ABCC1: variants seen among roughly 807,000 people sequenced by gnomAD.
ABCC1 encodes the protein ATP binding cassette subfamily C member 1 (ABCC1 blood group), also known as multidrug resistance-associated protein 1.
Under a neutral mutation model 172.9 loss-of-function variants are expected in ABCC1, and 83 were observed. The ratio of observed to expected loss-of-function variants is 0.48; its 90% CI spans 0.40 to 0.58. The LOEUF (loss-of-function observed/expected upper bound fraction) is 0.58. Among genes scored for constraint, ABCC1 ranks in the 20% least tolerant of loss-of-function variants. The probability of loss-of-function intolerance (pLI) is 0.00; values close to 1 mark genes in which losing one functional copy is unlikely to be tolerated. For missense variants in ABCC1, 1,817 were observed against 2,002.7 expected (o/e 0.91, Z 1.77); for synonymous variants, 937 against 825.2 (o/e 1.14, Z -2.32).
intron 7 of ABCC1, among the ~76,000 whole-genome samples, chr16:16,036,872 A>G (rs1186248227): frequency 6.6e-6 from 1 of 152,200 alleles, no homozygotes; most frequent in African/African-American, 2.4e-5. Context: ...TTGGGAGGCC[A>G]AGGCAGGCGG....
rs763781675 is a variant in ABCC1 at position 16,102,389 on chromosome 16, C to A, written c.2645-238C>A. Among the ~76,000 whole-genome samples, 10 of 152,158 alleles carry A rather than the reference C, an allele frequency of 6.6e-5. 1 individual carries two copies. Among genetic ancestry groups the A allele is most frequent in the African/African-American group, 1.4e-4 (6 of 41,426 alleles). On this transcript the variant is annotated intron_variant, in intron 19 of 30. Transcript: ENST00000399410. ...GGCCCAGTGCCCTCAGTGGATGGAG[C>A]CTTCTGCACAGTTGCAAAGCACTGT...
chr16:16,075,433 T>C (rs1207741752), intron 14 of ABCC1, among the ~76,000 whole-genome samples: 1 of 151,796 alleles, frequency 6.6e-6, no homozygotes, highest in Non-Finnish European at 1.5e-5. Context: ...GAGACCAGGC[T>C]GAGCAACATG....
At chr16:16,088,124 CGTGTGTGTGTGTGT>C (rs60633005) in intron 18 of ABCC1, among the ~76,000 whole-genome samples, 2 of 126,720 alleles carry the variant, frequency 1.6e-5, no homozygotes, top group Non-Finnish European at 3.8e-5. Context: ...TGTGTGTATG[CGTGTGTGTGTGTGT>C]GTGTGTGTGT....
intron 27 of ABCC1, 134 bp downstream of exon 27, chr16:16,132,069 G>A (rs1031164469): frequency 1.1e-5 from 13 of 1,139,958 alleles, no homozygotes; most frequent in African/African-American, 4.7e-5. Flanking sequence ...TTTTTGGGGG[G>A]CTGGGAGTGG....
chr16:16,090,622 G>A (rs1422880070), intron 19 of ABCC1, 34 bp downstream of exon 19: 1 of 1,531,426 alleles, frequency 6.5e-7, no homozygotes, highest in Admixed American at 2.0e-5. Context: ...CCCACTCAGG[G>A]TGTCTGGCAC....
intron 1 of ABCC1, among the ~76,000 whole-genome samples, chr16:15,954,730 C>T (rs215105): frequency 0.96 from 145,813 of 152,154 alleles, 69,904 homozygotes; most frequent in East Asian, 1. Context: ...TCTCTTTCTC[C>T]GAGGACAAGT....
At chr16:16,045,550 C>T (rs1198876509) in intron 8 of ABCC1, among the ~76,000 whole-genome samples, 1 of 152,114 alleles carries the variant, frequency 6.6e-6, no homozygotes, top group African/African-American at 2.4e-5. Flanking sequence ...CTCCCTACCT[C>T]TTTACCTCGT....
At chr16:16,128,376 C>T (rs1377323496) in intron 26 of ABCC1, among the ~76,000 whole-genome samples, 2 of 151,712 alleles carry the variant, frequency 1.3e-5, no homozygotes, top group African/African-American at 4.8e-5. Context: ...GTCTCGAACT[C>T]CTGACCTCGT....
chr16:15,957,697 G>A (rs1220941340), intron 1 of ABCC1, among the ~76,000 whole-genome samples: 3 of 152,118 alleles, frequency 2.0e-5, no homozygotes, highest in Non-Finnish European at 4.4e-5. Context: ...CTGGGTTCAA[G>A]CAATTCTGCC....
At chr16:15,999,795 CTCTCTCTCTCTCTCCT>C (rs1264649438) in intron 1 of ABCC1, among the ~76,000 whole-genome samples, 13 of 32,454 alleles carry the variant, frequency 4.0e-4, no homozygotes, top group African/African-American at 1.0e-3. Flanking sequence ...CTCTCTCTCT[CTCTCTCTCTCTCTCCT>C]CTCTCTCTCT....
intron 20 of ABCC1, among the ~76,000 whole-genome samples, chr16:16,103,354 C>G (rs559390499): frequency 4.6e-5 from 7 of 151,782 alleles, no homozygotes; most frequent in African/African-American, 7.3e-5. Context: ...CTGAGGCGGG[C>G]GGATCACCTG....
chr16:16,049,473 T>C (rs1259508819), intron 10 of ABCC1, among the ~76,000 whole-genome samples: 1 of 152,178 alleles, frequency 6.6e-6, no homozygotes, highest in Non-Finnish European at 1.5e-5. Context: ...AACACATGCC[T>C]TGTGCTTTGC....
At chr16:16,017,232 C>A (rs976119722) in intron 5 of ABCC1, among the ~76,000 whole-genome samples, 1 of 152,068 alleles carries the variant, frequency 6.6e-6, no homozygotes, top group Non-Finnish European at 1.5e-5. Context: ...TCCCTTAATT[C>A]TTTTCTTCTT....
intron 19 of ABCC1, among the ~76,000 whole-genome samples, chr16:16,101,196 T>G (rs1305889561): frequency 6.6e-6 from 1 of 152,014 alleles, no homozygotes; most frequent in Non-Finnish European, 1.5e-5. Context: ...CACGCCCAGC[T>G]AATTTTTGTA....
chr16:16,094,554 C>T (rs1037955765), intron 19 of ABCC1: 1 of 153,654 alleles, frequency 6.5e-6, no homozygotes, highest in African/African-American at 2.4e-5. Flanking sequence ...TGCTCTGTCG[C>T]CCAGGCTGGA....
chr16:15,976,855 A>G (rs562314763), intron 1 of ABCC1, among the ~76,000 whole-genome samples: 11 of 152,258 alleles, frequency 7.2e-5, no homozygotes, highest in African/African-American at 2.6e-4. Flanking sequence ...TGAAAGCCAG[A>G]GAGATTGGGT....
intron 1 of ABCC1, among the ~76,000 whole-genome samples, chr16:15,995,739 C>T (rs1247959960): frequency 6.6e-6 from 1 of 152,172 alleles, no homozygotes; most frequent in African/African-American, 2.4e-5. Context: ...GCAGTCATAG[C>T]TCACTGCAGC....
chr16:16,002,325 T>A (rs1015850141), intron 1 of ABCC1, among the ~76,000 whole-genome samples: 1 of 152,206 alleles, frequency 6.6e-6, no homozygotes, highest in Non-Finnish European at 1.5e-5. Flanking sequence ...ATAAAATATT[T>A]TCTGAAAGAA....
chr16:16,115,747 C>T (rs549172294), intron 23 of ABCC1, among the ~76,000 whole-genome samples: 10 of 152,138 alleles, frequency 6.6e-5, no homozygotes, highest in African/African-American at 1.7e-4. Context: ...ATAAGATAGA[C>T]GTTTTCTTTT....
Sources: allele counts gnomAD v4.1 joint callset (sites outside exome capture counted in the v4.1 genomes callset), GRCh38; gene constraint gnomAD v4.1.1; transcripts MANE v1.5; gene names NCBI Gene and HGNC (gene_info 2026-07-23, HGNC 2026-07-21).